The following TATDN1 variants were observed in gnomAD, a reference collection of about 807,000 sequenced individuals.
The protein encoded by TATDN1 is TatD DNase domain containing 1.
Under a neutral mutation model 46.4 loss-of-function variants are expected in TATDN1, and 40 were observed. The observed-to-expected ratio is 0.86, with a 90% CI of 0.67 to 1.12. The LOEUF is 1.12. TATDN1 is among the 50% of genes most tolerant of loss of function. The pLI is 0.00. For synonymous variants in TATDN1, 95 were observed against 105.6 expected, an observed-to-expected ratio of 0.90 and a Z score of 0.62; for missense variants, 326 against 348.4, an observed-to-expected ratio of 0.94 and a Z score of 0.51.
At chr8:124,519,848 A>G (rs758615962) in intron 3 of TATDN1, among the ~76,000 whole-genome samples, 7 of 152,246 alleles carry the variant, frequency 4.6e-5, no homozygotes, top group Non-Finnish European at 8.8e-5. Context: ...TGAAAATGTC[A>G]CTAAAGAGTT....
intron 11 of TATDN1, chr8:124,489,871 T>C (rs1306756846): frequency 6.6e-6 from 1 of 152,210 alleles, no homozygotes; most frequent in Non-Finnish European, 1.5e-5. Context: ...TCCCTTAGTA[T>C]CTTAAATGTT....
At chr8:124,538,853 C>A in intron 1 of TATDN1, 172 bp downstream of exon 1, 2 of 691,740 alleles carry the variant, frequency 2.9e-6, no homozygotes, top group South Asian at 1.6e-5. Flanking sequence ...GAACCTAGAT[C>A]AAGAACCAGA....
chr8:124,535,121 C>T (rs546308102), intron 1 of TATDN1, among the ~76,000 whole-genome samples: 7 of 152,212 alleles, frequency 4.6e-5, no homozygotes, highest in Non-Finnish European at 8.8e-5. Context: ...TCTCTAATCA[C>T]ATGATGGGTT....
rs1816600161 is a variant in TATDN1 at position 124,488,513 on chromosome 8, G to C, written c.*81C>G. ...ATAGTATTTCTTTAGACAACTTGCAGATAATTTCTTTATTGAAACTATCAG... is the reference window on the plus strand; with the variant it reads ...ATAGTATTTCTTTAGACAACTTGCACATAATTTCTTTATTGAAACTATCAG... On this transcript the variant is annotated 3_prime_UTR_variant, in exon 12 of 12. Coordinates refer to ENST00000276692, the MANE Select transcript of TATDN1 (RefSeq NM_032026.4). 2.8e-6 allele frequency: 2 copies of C among 716,262 alleles called. No homozygotes were observed. Among genetic ancestry groups the C allele is most frequent in the Non-Finnish European group, 4.8e-6 (2 of 415,228 alleles). The allele number at this position is 716,262 out of a possible 1,614,324, so 44.4% of individuals were successfully genotyped here.
At chr8:124,500,464 T>C (rs1817859046) in intron 9 of TATDN1, among the ~76,000 whole-genome samples, 1 of 152,066 alleles carries the variant, frequency 6.6e-6, no homozygotes, top group South Asian at 2.1e-4. Context: ...CCAAGCACTC[T>C]GGGAGGCAGA....
At position 124,488,686 on chromosome 8, in the gene TATDN1, C is replaced by G. The variant is rs777404035; in HGVS notation, c.802G>C (p.Glu268Gln). ...TCATCTCTCACTGCTGACATTATCT[C>G]CAATATTTGACTAAAACAAAACAAA... Reference protein sequence around the residue: ...NEPCHIIQILEIMSAVRDEDP... With the variant: ...NEPCHIIQILQIMSAVRDEDP... The change falls in exon 12 of 12, where the codon GAG becomes CAG. Residue 268 changes from glutamate to glutamine, a missense_variant. By Grantham distance (29) the Glu-to-Gln change is conservative. Coordinates refer to ENST00000276692, the MANE Select transcript of TATDN1 (RefSeq NM_032026.4). 15 of 1,599,052 alleles carry G rather than the reference C, an allele frequency of 9.4e-6. No homozygotes were observed. Among genetic ancestry groups the G allele is most frequent in the South Asian group, 2.2e-5 (2 of 90,376 alleles).
chr8:124,523,096 A>T (rs1820195454), intron 1 of TATDN1, 94 bp from the exon 2 acceptor site: 5 of 1,012,508 alleles, frequency 4.9e-6, no homozygotes, highest in Admixed American at 2.0e-5. Context: ...TTTTGTTCAC[A>T]CACTCATCTA....
intron 6 of TATDN1, among the ~76,000 whole-genome samples, chr8:124,513,509 T>A (rs1193543829): frequency 1.3e-5 from 2 of 152,236 alleles, no homozygotes; most frequent in Non-Finnish European, 2.9e-5. Flanking sequence ...ATTTACTGAA[T>A]GTAGTTTGAA....
Position 124,493,810 on chromosome 8 carries a change from G to A in TATDN1, c.791+23C>T, listed in dbSNP as rs368248857. The A allele has an allele frequency of 5.1e-6, 8 of 1,577,138 alleles. No individual in the cohort carries two copies. In the African/African-American group the frequency reaches 1.1e-4, roughly 22 times the overall value. ...CTGGTGGTTAACTAATGATTTTGAA[G>A]ACCATGAAAGCAAAATACTCACATT... On this transcript the variant is annotated intron_variant, in intron 11 of 11. Coordinates refer to ENST00000276692, the MANE Select transcript of TATDN1 (RefSeq NM_032026.4).
chr8:124,538,605 C>A, intron 1 of TATDN1: 1 of 247,866 alleles, frequency 4.0e-6, no homozygotes. Context: ...CGCTCACTAA[C>A]TATGATATGA....
chr8:124,508,541 A>G (rs1450947595), intron 7 of TATDN1, 27 bp from the exon 8 acceptor site: 1 of 1,612,024 alleles, frequency 6.2e-7, no homozygotes, highest in East Asian at 2.2e-5. Context: ...AAGAACTTTT[A>G]GCAAATAGCT....
chr8:124,517,932 C>G (rs1819629269), intron 4 of TATDN1, among the ~76,000 whole-genome samples: 1 of 152,070 alleles, frequency 6.6e-6, no homozygotes, highest in South Asian at 2.1e-4. Flanking sequence ...CTGAGGTTGG[C>G]TGGGCACGGT....
At chr8:124,511,795 A>G (rs1445762264) in intron 6 of TATDN1, among the ~76,000 whole-genome samples, 1 of 152,164 alleles carries the variant, frequency 6.6e-6, no homozygotes, top group Non-Finnish European at 1.5e-5. Flanking sequence ...TTCTAGTATG[A>G]GGAATGTAAC....
intron 9 of TATDN1, among the ~76,000 whole-genome samples, chr8:124,502,587 C>A (rs1280253474): frequency 6.6e-6 from 1 of 152,126 alleles, no homozygotes; most frequent in Non-Finnish European, 1.5e-5. Flanking sequence ...ATGTGTTCCA[C>A]TAAAACAAAC....
intron 2 of TATDN1, 104 bp from the exon 3 acceptor site, chr8:124,522,304 T>G: frequency 2.7e-6 from 2 of 733,768 alleles, no homozygotes; most frequent in East Asian, 5.2e-5. Flanking sequence ...TATTTGAAAT[T>G]ATAAACTTCT....
chr8:124,494,103 A>G, intron 10 of TATDN1, 144 bp from the exon 11 acceptor site: 1 of 725,764 alleles, frequency 1.4e-6, no homozygotes, highest in Non-Finnish European at 2.1e-6. Context: ...AACAGTTCTA[A>G]GAAAAGCACA....
intron 1 of TATDN1, among the ~76,000 whole-genome samples, chr8:124,534,393 C>T (rs1310685179): frequency 1.3e-5 from 2 of 152,146 alleles, no homozygotes; most frequent in Non-Finnish European, 2.9e-5. Context: ...CTGTCTATCA[C>T]CTGCTTTTGA....
At position 124,539,060 on chromosome 8, in the gene TATDN1, G is replaced by T. The variant is rs778161404; in HGVS notation, c.-14C>A. ...GAAGCGACTCATGACTGCGCATGGAGGACCTCCCCAGCGGAAGCGGAAGTG... is the reference window on the plus strand; with the variant it reads ...GAAGCGACTCATGACTGCGCATGGATGACCTCCCCAGCGGAAGCGGAAGTG... On this transcript the variant is annotated 5_prime_UTR_variant, in exon 1 of 12. Coordinates refer to ENST00000276692, the MANE Select transcript of TATDN1 (RefSeq NM_032026.4). 2 of 1,612,736 alleles carry T rather than the reference G, an allele frequency of 1.2e-6. No individual in the cohort carries two copies. The highest frequency in any genetic ancestry group is 2.2e-5 in the East Asian group (1 of 44,836).
intron 9 of TATDN1, chr8:124,504,036 A>C (rs1323818143): frequency 4.0e-6 from 4 of 1,005,478 alleles, no homozygotes; most frequent in Non-Finnish European, 5.6e-6. Flanking sequence ...CTCAACACAA[A>C]ATTGTTTTCC....
Sources: allele counts gnomAD v4.1 joint callset (sites outside exome capture counted in the v4.1 genomes callset), GRCh38; gene constraint gnomAD v4.1.1; transcripts MANE v1.5; gene names NCBI Gene and HGNC (gene_info 2026-07-23, HGNC 2026-07-21).